TNFSF4: variants seen among roughly 807,000 people sequenced by gnomAD.
TNFSF4 encodes the protein TNF superfamily member 4.
Under a neutral mutation model 7.3 loss-of-function variants are expected in TNFSF4, and 4 were observed. The observed-to-expected ratio is 0.55, with a 90% CI of 0.27 to 1.25. The LOEUF is 1.25. Ranked by LOEUF, TNFSF4 falls within the 50% of genes most tolerant of loss-of-function variation. The probability of loss-of-function intolerance (pLI) is 0.12; values close to 1 mark genes in which losing one functional copy is unlikely to be tolerated. For synonymous variants in TNFSF4, 76 were observed against 83.7 expected, an observed-to-expected ratio of 0.91 and a Z score of 0.50; for missense variants, 181 against 208.8, an observed-to-expected ratio of 0.87 and a Z score of 0.82.
the TNFSF4 span, among the ~76,000 whole-genome samples, chr1:173,429,698 G>A: frequency 1.3e-5 from 2 of 152,172 alleles, no homozygotes; most frequent in African/African-American, 2.4e-5. Flanking sequence ...GTTTGAGAAG[G>A]GAGAGAGGAA....
At chr1:173,179,308 G>A (rs918507061), downstream of TNFSF4, among the ~76,000 whole-genome samples, 1 of 152,186 alleles carries the variant, frequency 6.6e-6, no homozygotes, top group Admixed American at 6.5e-5. Flanking sequence ...ATGGGCATGA[G>A]TTGCACAGCA....
At chr1:173,439,802 A>G in the TNFSF4 span, among the ~76,000 whole-genome samples, 674 of 152,270 alleles carry the variant, frequency 4.4e-3, 1 homozygote, top group Non-Finnish European at 6.9e-3. Flanking sequence ...CAAAATTTCT[A>G]AACAATTCAT....
At chr1:173,363,268 C>T in the TNFSF4 span, 4 of 300,148 alleles carry the variant, frequency 1.3e-5, no homozygotes, top group South Asian at 6.8e-5. Context: ...GACAGATGTC[C>T]TCTCCCTTTC....
At chr1:173,346,260 G>A in the TNFSF4 span, among the ~76,000 whole-genome samples, 1 of 152,174 alleles carries the variant, frequency 6.6e-6, no homozygotes, top group East Asian at 1.9e-4. Flanking sequence ...ATCCAGAAAA[G>A]AGACACAAGT....
the TNFSF4 span, among the ~76,000 whole-genome samples, chr1:173,230,053 G>A: frequency 4.3e-3 from 658 of 152,200 alleles, 2 homozygotes; most frequent in African/African-American, 0.015. Flanking sequence ...GGATATCCAC[G>A]AATTGAAATC....
chr1:173,345,947 C>T, the TNFSF4 span, among the ~76,000 whole-genome samples: 1 of 152,104 alleles, frequency 6.6e-6, no homozygotes, highest in Non-Finnish European at 1.5e-5. Flanking sequence ...CATTTCATTA[C>T]CCCTAAGGAA....
the TNFSF4 span, among the ~76,000 whole-genome samples, chr1:173,280,834 A>G: frequency 6.6e-6 from 1 of 152,186 alleles, no homozygotes; most frequent in African/African-American, 2.4e-5. Context: ...TTTAAAGATT[A>G]TTAATAATCT....
chr1:173,220,113 C>T, the TNFSF4 span, among the ~76,000 whole-genome samples: 2 of 151,990 alleles, frequency 1.3e-5, no homozygotes, highest in Non-Finnish European at 2.9e-5. Flanking sequence ...GGATTTTATT[C>T]AAAGTGGTTT....
chr1:173,431,587 A>T, the TNFSF4 span, among the ~76,000 whole-genome samples: 2 of 152,248 alleles, frequency 1.3e-5, no homozygotes. Flanking sequence ...TTTCTCCCCC[A>T]GGGGAAAGGC....
chr1:173,386,343 G>A, the TNFSF4 span, among the ~76,000 whole-genome samples: 3 of 152,200 alleles, frequency 2.0e-5, no homozygotes, highest in Admixed American at 6.5e-5. Context: ...GAAAGTGCAC[G>A]GAGTTCAAGA....
chr1:173,382,907 C>A, the TNFSF4 span, among the ~76,000 whole-genome samples: 43 of 26,366 alleles, frequency 1.6e-3, no homozygotes, highest in East Asian at 5.6e-3. Context: ...CACACACACA[C>A]ACAAAGGTGC....
the TNFSF4 span, among the ~76,000 whole-genome samples, chr1:173,176,396 C>T: frequency 2.6e-5 from 4 of 152,102 alleles, no homozygotes; most frequent in Non-Finnish European, 5.9e-5. Context: ...AAAATATGGA[C>T]TCTGAAATCA....
the TNFSF4 span, among the ~76,000 whole-genome samples, chr1:173,329,628 A>G: frequency 6.6e-6 from 1 of 152,222 alleles, no homozygotes; most frequent in African/African-American, 2.4e-5. Context: ...TACAAGTGGA[A>G]AACAAATTTA....
the TNFSF4 span, among the ~76,000 whole-genome samples, chr1:173,390,793 T>C: frequency 7.0e-6 from 1 of 143,268 alleles, no homozygotes; most frequent in African/African-American, 2.6e-5. Context: ...TTGCCCAGGC[T>C]GGAATGCAAT....
rs2102004581 is a variant in TNFSF4 at position 173,207,279 on chromosome 1, C to G, written c.-103G>C. 8.7e-7 allele frequency: 1 copy of G among 1,155,936 alleles called. No individual in the cohort carries two copies. Among genetic ancestry groups the G allele is most frequent in the East Asian group, 2.5e-5 (1 of 40,366 alleles). 71.6% of individuals were successfully genotyped at this position (1,155,936 alleles called of 1,614,324 possible). A position where few individuals can be genotyped will look rare whatever the true frequency, so the allele number is the denominator to read the frequency against. ...GAAGGAGGTAAAGACAAAACAAAGCCTATCAATCAGAAAATAGGCAAAGGT... is the reference window on the plus strand; with the variant it reads ...GAAGGAGGTAAAGACAAAACAAAGCGTATCAATCAGAAAATAGGCAAAGGT... On this transcript the variant is annotated 5_prime_UTR_variant, in exon 1 of 3. Coordinates refer to ENST00000281834, the MANE Select transcript of TNFSF4 (RefSeq NM_003326.5).
the TNFSF4 span, among the ~76,000 whole-genome samples, chr1:173,325,972 T>A: frequency 6.6e-6 from 1 of 152,184 alleles, no homozygotes; most frequent in Non-Finnish European, 1.5e-5. Context: ...TCTAAAACTA[T>A]TCCAATCAAT....
At chr1:173,224,146 C>T in the TNFSF4 span, among the ~76,000 whole-genome samples, 3 of 152,346 alleles carry the variant, frequency 2.0e-5, no homozygotes, top group East Asian at 5.8e-4. Context: ...AAGATCATAA[C>T]AAAGCTGTGC....
the TNFSF4 span, among the ~76,000 whole-genome samples, chr1:173,311,123 C>T: frequency 6.6e-6 from 1 of 151,906 alleles, no homozygotes; most frequent in Non-Finnish European, 1.5e-5. Flanking sequence ...TGTTAGTGAT[C>T]AGATTGGGTC....
At chr1:173,414,221 T>C in the TNFSF4 span, among the ~76,000 whole-genome samples, 1 of 152,124 alleles carries the variant, frequency 6.6e-6, no homozygotes, top group Non-Finnish European at 1.5e-5. Flanking sequence ...TGCCAGAAAA[T>C]TCTGTTTCTG....
Sources: allele counts gnomAD v4.1 joint callset (sites outside exome capture counted in the v4.1 genomes callset), GRCh38; gene constraint gnomAD v4.1.1; transcripts MANE v1.5; gene names NCBI Gene and HGNC (gene_info 2026-07-23, HGNC 2026-07-21).